SLC35D2: variants seen among roughly 807,000 people sequenced by gnomAD.
The protein encoded by SLC35D2 is nucleotide sugar transporter SLC35D2.
A neutral mutation model predicts 41.8 loss-of-function variants in SLC35D2; 43 were observed. The ratio of observed to expected loss-of-function variants is 1.03; its 90% CI spans 0.81 to 1.33. SLC35D2 has a LOEUF of 1.33. Ranked by LOEUF, SLC35D2 falls within the 40% of genes most tolerant of loss-of-function variation. The pLI, the probability that SLC35D2 is intolerant of heterozygous loss-of-function variation, is 0.00. For missense variants in SLC35D2, 380 were observed against 408.4 expected (o/e 0.93, Z 0.60); for synonymous variants, 150 against 163.9 (o/e 0.92, Z 0.65).
chr9:96,325,819 A>G (rs1408586280), intron 9 of SLC35D2, among the ~76,000 whole-genome samples: 1 of 152,230 alleles, frequency 6.6e-6, no homozygotes, highest in Non-Finnish European at 1.5e-5. Flanking sequence ...GAATCCTGCT[A>G]GAATTCAACA....
chr9:96,321,433 T>C, intron 11 of SLC35D2, 92 bp from the exon 12 acceptor site: 1 of 793,564 alleles, frequency 1.3e-6, no homozygotes. Context: ...TACACCTGCT[T>C]CATGCGGAGG....
chr9:96,350,871 T>C (rs968991739), intron 6 of SLC35D2: 25 of 399,250 alleles, frequency 6.3e-5, no homozygotes, highest in Admixed American at 1.9e-4. Context: ...AGAAAAGCTA[T>C]ATTAATATCT....
At chr9:96,372,326 A>G (rs1830734030) in intron 1 of SLC35D2, among the ~76,000 whole-genome samples, 1 of 152,238 alleles carries the variant, frequency 6.6e-6, no homozygotes, top group Admixed American at 6.5e-5. Flanking sequence ...CAAAAAGTCA[A>G]TATTACGGGG....
In SLC35D2 at chr9:96,341,992, C is replaced by T. The variant is rs182482495; in HGVS notation, c.684+1912G>A. On this transcript the variant is annotated intron_variant, in intron 8 of 11. Coordinates refer to ENST00000253270, the MANE Select transcript of SLC35D2 (RefSeq NM_007001.3). ...ACCAGAATTTCAGAACAGATAAACT[C>T]CGCTGATTTAAAAAAACAAAACAAA... Among the ~76,000 whole-genome samples the T allele has an allele frequency of 1.8e-4, 27 of 151,320 alleles. No individual in the cohort carries two copies. In the East Asian group the frequency reaches 5.2e-3, roughly 29 times the overall value.
chr9:96,371,207 G>A (rs1434126872), intron 1 of SLC35D2, among the ~76,000 whole-genome samples: 2 of 152,080 alleles, frequency 1.3e-5, no homozygotes, highest in African/African-American at 4.8e-5. Flanking sequence ...GCTCATGCCT[G>A]TAATCCCAGC....
chr9:96,349,442 G>GGTGGC (rs1286333499), intron 6 of SLC35D2, among the ~76,000 whole-genome samples: 1 of 152,068 alleles, frequency 6.6e-6, no homozygotes, highest in African/African-American at 2.4e-5. Context: ...TGGGTCACTG[G>GGTGGC]GTGGCCGCTC....
chr9:96,366,867 T>C (rs1830494598), intron 2 of SLC35D2, among the ~76,000 whole-genome samples: 1 of 151,976 alleles, frequency 6.6e-6, no homozygotes, highest in Non-Finnish European at 1.5e-5. Context: ...CTTGTTATGA[T>C]TGTTTCTCCC....
intron 11 of SLC35D2, among the ~76,000 whole-genome samples, chr9:96,321,618 T>G (rs1265931613): frequency 6.6e-6 from 1 of 152,148 alleles, no homozygotes; most frequent in Non-Finnish European, 1.5e-5. Context: ...TAGCCTTAAA[T>G]AGTATCCCAC....
At chr9:96,371,695 T>C (rs1830691513) in intron 1 of SLC35D2, among the ~76,000 whole-genome samples, 1 of 149,834 alleles carries the variant, frequency 6.7e-6, no homozygotes, top group Admixed American at 6.7e-5. Flanking sequence ...TTTTCTCCAT[T>C]CAGTTCAGTT....
intron 1 of SLC35D2, 146 bp downstream of exon 1, chr9:96,383,331 G>T: frequency 2.0e-6 from 1 of 495,638 alleles, no homozygotes; most frequent in Non-Finnish European, 3.3e-6. Flanking sequence ...GTTCTGGAGG[G>T]CGCCTGGGAA....
rs796327631 is a variant in SLC35D2, at chr9:96,325,415, G to A, written c.753-1246C>T. Among the ~76,000 whole-genome samples, 72 of 152,306 alleles carry A rather than the reference G, an allele frequency of 4.7e-4. 1 individual carries two copies. The highest frequency in any genetic ancestry group is 1.5e-3 in the African/African-American group (64 of 41,574). ...ATCCCAGGTCAGGTTCGGCACGGTG[G>A]CTCATGCCCATAATCCCAGCACTTT... On this transcript the variant is annotated intron_variant, in intron 9 of 11. Coordinates refer to ENST00000253270, the MANE Select transcript of SLC35D2 (RefSeq NM_007001.3).
At chr9:96,380,772 CT>C (rs79934160) in intron 1 of SLC35D2, among the ~76,000 whole-genome samples, 69 of 147,720 alleles carry the variant, frequency 4.7e-4, no homozygotes, top group African/African-American at 1.3e-3. Flanking sequence ...CGCGCCCGGC[CT>C]TTTTTTTTTA....
At chr9:96,337,380 A>AT (rs888505742) in intron 8 of SLC35D2, among the ~76,000 whole-genome samples, 123 of 144,990 alleles carry the variant, frequency 8.5e-4, no homozygotes, top group Middle Eastern at 3.6e-3. Context: ...TGCCTGGCTA[A>AT]TTTTTTTTTT....
chr9:96,328,575 C>A (rs902514368), intron 9 of SLC35D2, among the ~76,000 whole-genome samples: 2 of 152,208 alleles, frequency 1.3e-5, no homozygotes, highest in African/African-American at 4.8e-5. Flanking sequence ...TGGACCAGAG[C>A]CTCTGCTCAA....
chr9:96,368,393 A>G, intron 1 of SLC35D2, 88 bp from the exon 2 acceptor site: 1 of 990,906 alleles, frequency 1.0e-6, no homozygotes, highest in South Asian at 1.6e-5. Flanking sequence ...TTATTAAACA[A>G]TCTGAGAAAA....
chr9:96,336,788 T>C lies in SLC35D2; in HGVS notation c.685-4A>G. ...TCCATTGGTTGAATTCAGTAGCCTA[T>C]TATTAAAAAGAAAAAAACTAATGAT... On this transcript the variant is annotated splice_region_variant and splice_polypyrimidine_tract_variant and intron_variant, in intron 8 of 11. Coordinates refer to ENST00000253270, the MANE Select transcript of SLC35D2 (RefSeq NM_007001.3). The C allele has an allele frequency of 6.5e-7, 1 of 1,536,266 alleles. No homozygotes were observed. Among genetic ancestry groups the C allele is most frequent in the Non-Finnish European group, 8.9e-7 (1 of 1,123,568 alleles).
chr9:96,330,304 C>T (rs952744945), intron 9 of SLC35D2, among the ~76,000 whole-genome samples: 1 of 152,206 alleles, frequency 6.6e-6, no homozygotes, highest in Non-Finnish European at 1.5e-5. Context: ...TGTGGAAACC[C>T]CCACACATAT....
intron 1 of SLC35D2, chr9:96,373,958 T>C (rs1830825096): frequency 6.6e-6 from 1 of 152,340 alleles, no homozygotes; most frequent in Middle Eastern, 3.4e-3. Flanking sequence ...AGAGGCAAGC[T>C]GAAGTATTTC....
At chr9:96,371,390 G>A (rs1830667752) in intron 1 of SLC35D2, among the ~76,000 whole-genome samples, 1 of 145,934 alleles carries the variant, frequency 6.9e-6, no homozygotes, top group African/African-American at 2.6e-5. Flanking sequence ...CACTTGAATT[G>A]TACCTGGGAG....
Sources: allele counts gnomAD v4.1 joint callset (sites outside exome capture counted in the v4.1 genomes callset), GRCh38; gene constraint gnomAD v4.1.1; transcripts MANE v1.5; gene names NCBI Gene and HGNC (gene_info 2026-07-23, HGNC 2026-07-21).